Variants in SNX8 observed in about 807,000 individuals in gnomAD.
SNX8 encodes sorting nexin 8, also known as sorting nexin-8.
SNX8 carries 25 observed loss-of-function variants against 51.6 expected under a neutral mutation model. The ratio of observed to expected loss-of-function variants is 0.48; its 90% CI spans 0.35 to 0.68. The LOEUF (loss-of-function observed/expected upper bound fraction) is 0.68, where lower values mean the gene tolerates loss of function less well. Ranked by LOEUF, SNX8 falls within the 30% of genes least tolerant of loss-of-function variation. SNX8 has a pLI of 0.00. For missense variants in SNX8, 695 were observed against 624.0 expected (o/e 1.11, Z -1.21); for synonymous variants, 324 against 277.0 (o/e 1.17, Z -1.68).
chr7:2,287,991 T>C (rs528351289), intron 1 of SNX8: 6 of 152,546 alleles, frequency 3.9e-5, no homozygotes, highest in African/African-American at 1.4e-4. Context: ...ACTGTGCTTT[T>C]GAACACACTG....
At chr7:2,255,287 G>A in intron 10 of SNX8, 118 bp from the exon 11 acceptor site, 1 of 654,506 alleles carries the variant, frequency 1.5e-6, no homozygotes, top group Admixed American at 2.9e-5. Context: ...AGGTGCGCCA[G>A]CTCCTCAAAC....
intron 10 of SNX8, 37 bp downstream of exon 10, chr7:2,256,837 C>A (rs748114785): frequency 9.4e-6 from 15 of 1,588,502 alleles, no homozygotes; most frequent in African/African-American, 1.3e-5. Context: ...AAAGAAAGGC[C>A]GTGGCCGAGA....
intron 1 of SNX8, among the ~76,000 whole-genome samples, chr7:2,295,901 T>C (rs1300403030): frequency 6.6e-6 from 1 of 152,148 alleles, no homozygotes; most frequent in Non-Finnish European, 1.5e-5. Flanking sequence ...TGTAAAAATG[T>C]AGCTTTATTT....
intron 1 of SNX8, among the ~76,000 whole-genome samples, chr7:2,279,353 G>A (rs1055077392): frequency 5.9e-5 from 9 of 151,626 alleles, no homozygotes; most frequent in South Asian, 2.1e-4. Flanking sequence ...CTACGGAGTC[G>A]ACGCTGGACT....
chr7:2,353,247 G>A (rs761815607), intron 1 of SNX8, among the ~76,000 whole-genome samples: 1 of 151,970 alleles, frequency 6.6e-6, no homozygotes, highest in Admixed American at 6.6e-5. Context: ...GGCCCTGCGC[G>A]GTGGTTCACG....
intron 5 of SNX8, among the ~76,000 whole-genome samples, chr7:2,268,737 C>T (rs1380636932): frequency 5.0e-5 from 1 of 19,886 alleles, no homozygotes; most frequent in South Asian, 1.2e-3. Context: ...GGGGGGTCAG[C>T]CCCCCAGCCC....
chr7:2,348,014 G>C (rs1025938795), intron 1 of SNX8, among the ~76,000 whole-genome samples: 11 of 152,082 alleles, frequency 7.2e-5, no homozygotes, highest in African/African-American at 2.7e-4. Context: ...ACATAGACCG[G>C]TTTATGTAGA....
At chr7:2,339,134 T>G (rs1315949965) in intron 1 of SNX8, among the ~76,000 whole-genome samples, 4 of 152,132 alleles carry the variant, frequency 2.6e-5, no homozygotes, top group African/African-American at 9.7e-5. Context: ...GATCTCCTAG[T>G]CTCAAGCAAA....
At chr7:2,273,603 CA>C (rs796961772) in intron 3 of SNX8, among the ~76,000 whole-genome samples, 27 of 138,142 alleles carry the variant, frequency 2.0e-4, no homozygotes, top group African/African-American at 7.3e-4. Flanking sequence ...AAAACAAAAA[CA>C]AAAAACACCA....
intron 1 of SNX8, among the ~76,000 whole-genome samples, chr7:2,308,388 C>G (rs1041674835): frequency 1.3e-5 from 2 of 151,946 alleles, no homozygotes; most frequent in African/African-American, 4.8e-5. Context: ...TGTGTCATGG[C>G]CAGTCACGGT....
chr7:2,256,748 C>A, intron 10 of SNX8, 126 bp downstream of exon 10: 1 of 885,348 alleles, frequency 1.1e-6, no homozygotes, highest in East Asian at 2.8e-5. Flanking sequence ...AAGGCCCATG[C>A]GGAGCCCAAC....
At chr7:2,261,085 T>C (rs1040754934) in intron 7 of SNX8, among the ~76,000 whole-genome samples, 4 of 152,210 alleles carry the variant, frequency 2.6e-5, no homozygotes, top group Non-Finnish European at 5.9e-5. Flanking sequence ...GTGACAAGAA[T>C]GGCTTTTATG....
At chr7:2,336,105 G>GAAAA (rs11430916) in intron 1 of SNX8, among the ~76,000 whole-genome samples, 1 of 137,104 alleles carries the variant, frequency 7.3e-6, no homozygotes. Flanking sequence ...TCCATCTCGA[G>GAAAA]AAAAAAAAAA....
intron 1 of SNX8, among the ~76,000 whole-genome samples, chr7:2,346,313 G>A: frequency 6.6e-6 from 1 of 151,912 alleles, no homozygotes; most frequent in Non-Finnish European, 1.5e-5. Context: ...GGGTATGGTG[G>A]TGCATGCCTG....
chr7:2,258,556 CA>C (rs1795254839), intron 7 of SNX8, among the ~76,000 whole-genome samples: 1 of 152,164 alleles, frequency 6.6e-6, no homozygotes, highest in South Asian at 2.1e-4. Context: ...CGGGCACGCC[CA>C]GGAGGGGCAC....
chr7:2,318,092 C>A (rs1020929636), upstream of SNX8, among the ~76,000 whole-genome samples: 1 of 152,134 alleles, frequency 6.6e-6, no homozygotes, highest in East Asian at 1.9e-4. Context: ...GTTGCCCAGG[C>A]TGGACTGTAG....
intron 1 of SNX8, among the ~76,000 whole-genome samples, chr7:2,346,631 A>C (rs1387993390): frequency 6.7e-6 from 1 of 148,388 alleles, no homozygotes; most frequent in African/African-American, 2.5e-5. Flanking sequence ...CTGTAGTCCC[A>C]GCTACTTGGG....
intron 5 of SNX8, 81 bp from the exon 6 acceptor site, chr7:2,264,539 G>A (rs1287483667): frequency 2.1e-6 from 3 of 1,446,358 alleles, no homozygotes; most frequent in Non-Finnish European, 2.8e-6. Context: ...TCCCCCAGAA[G>A]CTGAGCCACG....
intron 1 of SNX8, among the ~76,000 whole-genome samples, chr7:2,333,023 C>G (rs960552400): frequency 6.6e-6 from 1 of 151,958 alleles, no homozygotes; most frequent in East Asian, 1.9e-4. Context: ...AGTCCCAACA[C>G]TTTGGGAGGC....
Sources: allele counts gnomAD v4.1 joint callset (sites outside exome capture counted in the v4.1 genomes callset), GRCh38; gene constraint gnomAD v4.1.1; transcripts MANE v1.5; gene names NCBI Gene and HGNC (gene_info 2026-07-23, HGNC 2026-07-21).